The following GRIN2B variants were observed in gnomAD, a reference collection of about 807,000 sequenced individuals.
GRIN2B encodes the protein glutamate receptor ionotropic, NMDA 2B.
GRIN2B carries 5 observed loss-of-function variants against 114.5 expected under a neutral mutation model. The ratio of observed to expected loss-of-function variants is 0.04; its 90% confidence interval spans 0.02 to 0.09. The LOEUF (loss-of-function observed/expected upper bound fraction) is 0.09, where lower values mean the gene tolerates loss of function less well. GRIN2B is among the 10% of genes least tolerant of loss of function. GRIN2B has a pLI of 1.00. For missense variants in GRIN2B, 1,108 were observed against 1,943.5 expected, an observed-to-expected ratio of 0.57 and a Z score of 8.08; for synonymous variants, 787 against 745.1, an observed-to-expected ratio of 1.06 and a Z score of -0.92.
At chr12:13,704,113 G>T (rs942631313) in intron 4 of GRIN2B, among the ~76,000 whole-genome samples, 1 of 152,188 alleles carries the variant, frequency 6.6e-6, no homozygotes, top group Non-Finnish European at 1.5e-5. Flanking sequence ...GTGGTCATGA[G>T]GCTGGCATCT....
Position 13,725,710 on chromosome 12 carries a change from T to TC in GRIN2B, c.1010+27606dup, listed in dbSNP as rs1325004937. The stretch of plus-strand genomic sequence containing the variant: ...ACAGACAGCTAGAATATTTTCATTT[T>TC]CCCTCTGCTTAACAAGAAATGGAGC... On this transcript the variant is annotated intron_variant, in intron 4 of 13. Transcript: ENST00000609686. 2.0e-5 allele frequency among the ~76,000 whole-genome samples: 3 copies of TC among 152,130 alleles called. No homozygotes were observed. In the East Asian group the frequency reaches 5.8e-4, roughly 29 times the overall value.
chr12:13,825,474 A>C (rs1175218568), intron 3 of GRIN2B, among the ~76,000 whole-genome samples: 2 of 135,154 alleles, frequency 1.5e-5, no homozygotes, highest in Non-Finnish European at 3.2e-5. Context: ...TATAATATAT[A>C]TATAATAAAT....
intron 2 of GRIN2B, among the ~76,000 whole-genome samples, chr12:13,901,740 G>T (rs940075520): frequency 6.6e-6 from 1 of 151,902 alleles, no homozygotes; most frequent in Non-Finnish European, 1.5e-5. Context: ...GTTTAATATA[G>T]TTGAATTTAT....
chr12:13,575,848 T>C lies in GRIN2B; in HGVS notation c.2011-3884A>G, dbSNP rs1948769444. On this transcript the variant is annotated intron_variant, in intron 10 of 13. Transcript: ENST00000609686. Reference sequence around the variant, plus strand: ...TTAAATTTATGGACCTACCCTCTTTTCTGGAAGTATTATTTTAATGAATAA... The same window carrying C: ...TTAAATTTATGGACCTACCCTCTTTCCTGGAAGTATTATTTTAATGAATAA... Among the ~76,000 whole-genome samples, 3 of 152,244 alleles carry C rather than the reference T, an allele frequency of 2.0e-5. No individual in the cohort carries two copies. In the South Asian group the frequency reaches 6.2e-4, roughly 32 times the overall value.
intron 3 of GRIN2B, among the ~76,000 whole-genome samples, chr12:13,779,615 G>A (rs1030473204): frequency 6.6e-6 from 1 of 152,086 alleles, no homozygotes; most frequent in Non-Finnish European, 1.5e-5. Context: ...GGTAATTCAT[G>A]TGCTTCTGTT....
chr12:13,844,741 T>C (rs1386273940), intron 3 of GRIN2B, among the ~76,000 whole-genome samples: 1 of 152,226 alleles, frequency 6.6e-6, no homozygotes, highest in Non-Finnish European at 1.5e-5. Context: ...ACAATAGCTA[T>C]CTTCACTTTT....
chr12:13,965,277 ACC>A (rs1867770774), intron 2 of GRIN2B, among the ~76,000 whole-genome samples: 1 of 152,028 alleles, frequency 6.6e-6, no homozygotes, highest in East Asian at 1.9e-4. Flanking sequence ...ATTTTTTGCA[ACC>A]TAGTATTTAT....
intron 10 of GRIN2B, among the ~76,000 whole-genome samples, chr12:13,586,190 A>T (rs1033052413): frequency 6.6e-6 from 1 of 152,242 alleles, no homozygotes; most frequent in African/African-American, 2.4e-5. Flanking sequence ...GCTATGTGTC[A>T]TGATACAGGG....
intron 4 of GRIN2B, among the ~76,000 whole-genome samples, chr12:13,694,105 A>G (rs574466490): frequency 6.6e-6 from 1 of 152,048 alleles, no homozygotes; most frequent in East Asian, 1.9e-4. Context: ...AAATAAGCAC[A>G]CTCTTTTTTC....
chr12:13,787,648 T>G (rs1346183831), intron 3 of GRIN2B, among the ~76,000 whole-genome samples: 1 of 152,242 alleles, frequency 6.6e-6, no homozygotes, highest in Non-Finnish European at 1.5e-5. Context: ...TCATACATCC[T>G]ATTATGGTCG....
intron 2 of GRIN2B, among the ~76,000 whole-genome samples, chr12:13,946,309 C>G (rs942268160): frequency 3.3e-5 from 5 of 152,056 alleles, no homozygotes; most frequent in Non-Finnish European, 4.4e-5. Flanking sequence ...CACCACTCTT[C>G]CAAATTATTC....
intron 10 of GRIN2B, among the ~76,000 whole-genome samples, chr12:13,583,819 T>C (rs1329830237): frequency 6.6e-6 from 1 of 151,918 alleles, no homozygotes; most frequent in Non-Finnish European, 1.5e-5. Context: ...GGCGCCTAGA[T>C]AGAAACCATC....
intron 2 of GRIN2B, among the ~76,000 whole-genome samples, chr12:13,883,865 G>A (rs190771135): frequency 6.6e-6 from 1 of 152,066 alleles, no homozygotes; most frequent in African/African-American, 2.4e-5. Context: ...CCTAAACAAA[G>A]GATATAAAGA....
At chr12:13,661,514 A>T (rs1949923455) in intron 5 of GRIN2B, among the ~76,000 whole-genome samples, 1 of 152,216 alleles carries the variant, frequency 6.6e-6, no homozygotes, top group Admixed American at 6.5e-5. Context: ...AAACTGCAGG[A>T]GCAATCAAAA....
chr12:13,654,645 A>G (rs188971701), intron 5 of GRIN2B, among the ~76,000 whole-genome samples: 17 of 152,246 alleles, frequency 1.1e-4, no homozygotes, highest in Admixed American at 7.9e-4. Flanking sequence ...CCTGTATACA[A>G]AAAGTGCTGA....
At chr12:13,675,638 T>G in intron 5 of GRIN2B, 107 bp downstream of exon 5, 1 of 768,790 alleles carries the variant, frequency 1.3e-6, no homozygotes, top group Non-Finnish European at 2.4e-6. Flanking sequence ...GATCCCTTGC[T>G]CCACAGGTCT....
At chr12:13,839,231 T>C (rs1865336255) in intron 3 of GRIN2B, among the ~76,000 whole-genome samples, 1 of 152,190 alleles carries the variant, frequency 6.6e-6, no homozygotes, top group Non-Finnish European at 1.5e-5. Context: ...CATCTAAAAT[T>C]AATTATATGG....
intron 2 of GRIN2B, among the ~76,000 whole-genome samples, chr12:13,900,323 A>C (rs1414793446): frequency 6.6e-6 from 1 of 152,008 alleles, no homozygotes; most frequent in East Asian, 1.9e-4. Context: ...AAAATACAAA[A>C]AATTAGCTGG....
intron 3 of GRIN2B, among the ~76,000 whole-genome samples, chr12:13,766,038 C>T (rs1393270280): frequency 6.6e-6 from 1 of 152,198 alleles, no homozygotes; most frequent in African/African-American, 2.4e-5. Context: ...ATGCATCTAT[C>T]CACTGGCACT....
Sources: gnomAD v4.1 joint callset for allele counts (sites outside exome capture counted in the v4.1 genomes callset) on GRCh38, gnomAD v4.1.1 for gene constraint, MANE v1.5 for transcripts, NCBI Gene and HGNC (gene_info 2026-07-23, HGNC 2026-07-21) for gene names.